Variants in CHRNA7 observed in about 807,000 individuals in gnomAD.
CHRNA7 encodes the protein cholinergic receptor nicotinic alpha 7 subunit.
In CHRNA7, 17 loss-of-function variants were observed where a neutral mutation model predicts 48.0. The observed-to-expected ratio is 0.35, with a 90% CI of 0.24 to 0.53. The LOEUF is 0.53. Among genes scored for constraint, CHRNA7 ranks in the 20% least tolerant of loss-of-function variants. CHRNA7 has a pLI of 0.92. For missense variants in CHRNA7, 155 were observed against 577.7 expected, an observed-to-expected ratio of 0.27 and a Z score of 7.50; for synonymous variants, 75 against 242.3, an observed-to-expected ratio of 0.31 and a Z score of 6.41.
chr15:32,115,386 CT>C (rs1390669039), intron 4 of CHRNA7, among the ~76,000 whole-genome samples: 1 of 152,122 alleles, frequency 6.6e-6, no homozygotes, highest in Non-Finnish European at 1.5e-5. Context: ...GAGGAGAGAG[CT>C]TCTAAACAAG....
At chr15:32,142,135 G>A (rs2051392580) in intron 4 of CHRNA7, among the ~76,000 whole-genome samples, 1 of 152,204 alleles carries the variant, frequency 6.6e-6, no homozygotes, top group Non-Finnish European at 1.5e-5. Flanking sequence ...ATGAAGGGCT[G>A]TTGAATTTTG....
chr15:32,089,646 A>G (rs1021895961), intron 2 of CHRNA7, among the ~76,000 whole-genome samples: 4 of 152,074 alleles, frequency 2.6e-5, no homozygotes, highest in Non-Finnish European at 5.9e-5. Flanking sequence ...TTATCACATT[A>G]TTTTAAATTT....
chr15:32,051,129 G>A (rs956085045), intron 2 of CHRNA7, among the ~76,000 whole-genome samples: 2 of 151,170 alleles, frequency 1.3e-5, no homozygotes, highest in South Asian at 2.1e-4. Context: ...CAGTCTGCCC[G>A]TTCTCAGATC....
intron 4 of CHRNA7, among the ~76,000 whole-genome samples, chr15:32,151,459 T>C (rs2051627374): frequency 6.6e-6 from 1 of 152,156 alleles, no homozygotes; most frequent in Non-Finnish European, 1.5e-5. Flanking sequence ...AAACCCCTTT[T>C]TTTTTGCCTT....
chr15:32,094,623 T>G (rs989517646), intron 2 of CHRNA7, among the ~76,000 whole-genome samples: 4 of 151,994 alleles, frequency 2.6e-5, no homozygotes, highest in Admixed American at 2.0e-4. Flanking sequence ...AATTTAACAG[T>G]GGAGAATTTT....
chr15:32,136,686 A>T (rs2051264508), intron 4 of CHRNA7, among the ~76,000 whole-genome samples: 1 of 152,088 alleles, frequency 6.6e-6, no homozygotes, highest in Non-Finnish European at 1.5e-5. Flanking sequence ...ACACATTAAG[A>T]ATACTATATT....
At chr15:32,132,647 A>G (rs980185266) in intron 4 of CHRNA7, among the ~76,000 whole-genome samples, 1 of 152,122 alleles carries the variant, frequency 6.6e-6, no homozygotes, top group Non-Finnish European at 1.5e-5. Flanking sequence ...GTGTCCTTAC[A>G]TGGCAGAGAG....
At chr15:32,078,662 C>CAAAAAA (rs71113442) in intron 2 of CHRNA7, among the ~76,000 whole-genome samples, 3 of 99,428 alleles carry the variant, frequency 3.0e-5, no homozygotes, top group Non-Finnish European at 6.3e-5. Flanking sequence ...GCCTACCAAC[C>CAAAAAA]AAAAAAAAAA....
At chr15:32,069,906 A>G (rs958624511) in intron 2 of CHRNA7, among the ~76,000 whole-genome samples, 1 of 151,986 alleles carries the variant, frequency 6.6e-6, no homozygotes, top group African/African-American at 2.4e-5. Flanking sequence ...CTTGAAACGC[A>G]CTCTGGGCAC....
intron 4 of CHRNA7, among the ~76,000 whole-genome samples, chr15:32,138,721 T>C (rs1255118337): frequency 7.1e-6 from 1 of 140,620 alleles, no homozygotes; most frequent in Non-Finnish European, 1.5e-5. Context: ...ATGGCAGCCA[T>C]TGACCTGTTA....
chr15:32,150,055 T>TG (rs2051590856), intron 4 of CHRNA7, among the ~76,000 whole-genome samples: 1 of 152,188 alleles, frequency 6.6e-6, no homozygotes, highest in East Asian at 1.9e-4. Flanking sequence ...TTTATGTTTT[T>TG]ATTTTATTTT....
intron 2 of CHRNA7, among the ~76,000 whole-genome samples, chr15:32,054,687 C>G (rs1443304762): frequency 6.6e-6 from 1 of 152,218 alleles, no homozygotes; most frequent in Non-Finnish European, 1.5e-5. Flanking sequence ...TCTTTGGGAT[C>G]TGGCTTTTTT....
At chr15:32,139,315 T>C (rs2051333622) in intron 4 of CHRNA7, among the ~76,000 whole-genome samples, 1 of 152,248 alleles carries the variant, frequency 6.6e-6, no homozygotes, top group Non-Finnish European at 1.5e-5. Context: ...ATAAAGCTGC[T>C]ATCAACATAT....
chr15:32,080,057 T>A (rs1333467145), intron 2 of CHRNA7, among the ~76,000 whole-genome samples: 1 of 152,178 alleles, frequency 6.6e-6, no homozygotes, highest in Non-Finnish European at 1.5e-5. Flanking sequence ...GGGAAAGGAT[T>A]TCCTATTTAA....
At chr15:32,131,322 T>A (rs933192908) in intron 4 of CHRNA7, among the ~76,000 whole-genome samples, 1 of 152,108 alleles carries the variant, frequency 6.6e-6, no homozygotes, top group African/African-American at 2.4e-5. Context: ...AATATCAGAT[T>A]TTGTTATGGC....
rs1246323042 is a variant in CHRNA7 at position 32,170,259 on chromosome 15, G to C, written c.*1801G>C. The stretch of plus-strand genomic sequence containing the variant: ...GAAGATGGAAGCTTGCGTGTGTGCG[G>C]TGTGTGTGTGTGTGTAAGTGTGAGG... On this transcript the variant is annotated 3_prime_UTR_variant, in exon 10 of 10. Transcript: ENST00000306901. The C allele has an allele frequency of 3.4e-5, 4 of 116,684 alleles. No homozygotes were observed. Among genetic ancestry groups the C allele is most frequent in the Admixed American group, 2.7e-4 (3 of 11,280 alleles). The allele number at this position is 116,684 out of a possible 1,614,324, so 7.2% of individuals were successfully genotyped here. A position where few individuals can be genotyped will look rare whatever the true frequency, so the allele number is the denominator to read the frequency against.
intron 3 of CHRNA7, among the ~76,000 whole-genome samples, chr15:32,107,315 C>T: frequency 6.6e-6 from 1 of 152,054 alleles, no homozygotes; most frequent in East Asian, 1.9e-4. Context: ...ACATGTCTAG[C>T]AGGTGACTGA....
chr15:32,097,702 G>C (rs2050495639), intron 2 of CHRNA7, among the ~76,000 whole-genome samples: 1 of 152,236 alleles, frequency 6.6e-6, no homozygotes, highest in African/African-American at 2.4e-5. Flanking sequence ...GTGGAATACT[G>C]TTCTTCGGGA....
At chr15:32,052,794 A>G (rs1444207395) in intron 2 of CHRNA7, among the ~76,000 whole-genome samples, 3 of 152,210 alleles carry the variant, frequency 2.0e-5, no homozygotes, top group Non-Finnish European at 2.9e-5. Flanking sequence ...TAGAAGGAAT[A>G]AGTTCTAGTA....
Sources: allele counts gnomAD v4.1 joint callset (sites outside exome capture counted in the v4.1 genomes callset), GRCh38; gene constraint gnomAD v4.1.1; transcripts MANE v1.5; gene names NCBI Gene and HGNC (gene_info 2026-07-23, HGNC 2026-07-21).